Variants in TRIM35 observed in about 807,000 individuals in gnomAD.
TRIM35 encodes the protein E3 ubiquitin-protein ligase TRIM35.
Under a neutral mutation model 49.1 loss-of-function variants are expected in TRIM35, and 37 were observed. The ratio of observed to expected loss-of-function variants is 0.75; its 90% CI spans 0.58 to 0.99. The LOEUF is 0.99. Among genes scored for constraint, TRIM35 ranks in the 50% least tolerant of loss-of-function variants. The probability of loss-of-function intolerance (pLI) is 0.00; values close to 1 mark genes in which losing one functional copy is unlikely to be tolerated. For missense variants in TRIM35, 648 were observed against 702.7 expected, an observed-to-expected ratio of 0.92 and a Z score of 0.88; for synonymous variants, 302 against 289.3, an observed-to-expected ratio of 1.04 and a Z score of -0.45.
chr8:27,301,533 C>T (rs73681515), intron 1 of TRIM35, among the ~76,000 whole-genome samples: 1,893 of 152,258 alleles, frequency 0.012, 48 homozygotes, highest in African/African-American at 0.044. Context: ...AAAGTATTGT[C>T]CATTTTTCCA....
rs971017607 is a variant in TRIM35 at position 27,298,448 on chromosome 8, C to G, written c.531+16G>C. On this transcript the variant is annotated intron_variant, in intron 2 of 5. Transcript: ENST00000305364. ...AGTGGACCCAATCTTCCCACTTGGC[C>G]CCATCGTTCGCTCACCTGATTGTGC... is the stretch of plus-strand genomic sequence containing the variant. The G allele has an allele frequency of 1.2e-6, 2 of 1,612,496 alleles. No individual in the cohort carries two copies. Among genetic ancestry groups the G allele is most frequent in the Non-Finnish European group, 1.7e-6 (2 of 1,178,688 alleles).
chr8:27,306,790 G>A (rs1563445833), intron 1 of TRIM35, among the ~76,000 whole-genome samples: 1 of 152,200 alleles, frequency 6.6e-6, no homozygotes, highest in Admixed American at 6.5e-5. Flanking sequence ...AGAGAAATTT[G>A]GGCGGATTAA....
At chr8:27,303,052 T>C (rs1802710547) in intron 1 of TRIM35, among the ~76,000 whole-genome samples, 1 of 152,216 alleles carries the variant, frequency 6.6e-6, no homozygotes, top group African/African-American at 2.4e-5. Flanking sequence ...AAATGTGATA[T>C]TTGCTGTAAG....
chr8:27,287,826 C>T lies in TRIM35; in HGVS notation c.1206G>A (p.Thr402=), dbSNP rs981545515. ...CGCAGTGGTCCCCCTCCACGCCCTG[C>T]GTGCGGCAGACATACCAGAAGCCCG... ...TRSGFWYVCR[T]QGVEGDHCVT... Residue 402 remains threonine, a synonymous_variant, in exon 6 of 6, where the codon ACG becomes ACA. Coordinates refer to ENST00000305364, the MANE Select transcript of TRIM35 (RefSeq NM_171982.5). The surrounding 1 kb of genome is among the most constrained non-coding windows in gnomAD (Gnocchi z 6.0). 8.7e-6 allele frequency: 14 copies of T among 1,611,698 alleles called. No individual in the cohort carries two copies. The highest frequency in any genetic ancestry group is 1.6e-4 in the Middle Eastern group (1 of 6,082).
At chr8:27,293,669 C>T (rs1397623501) in intron 3 of TRIM35, among the ~76,000 whole-genome samples, 1 of 151,846 alleles carries the variant, frequency 6.6e-6, no homozygotes, top group Non-Finnish European at 1.5e-5. Flanking sequence ...GTGAGACCCC[C>T]CTCACCCCTA....
chr8:27,304,628 A>T, intron 1 of TRIM35: 1 of 345,804 alleles, frequency 2.9e-6, no homozygotes, highest in South Asian at 2.2e-5. Context: ...TGCAGAAGGA[A>T]TGCTTGCTCT....
chr8:27,298,146 G>A (rs1802607490), intron 2 of TRIM35, among the ~76,000 whole-genome samples: 2 of 152,204 alleles, frequency 1.3e-5, no homozygotes, highest in Admixed American at 6.5e-5. Context: ...AAACAAGAAA[G>A]TACATGAGTC....
In TRIM35 at chr8:27,289,146, C is replaced by T. The variant is rs142201422; in HGVS notation, c.904+16G>A. 2.0e-4 allele frequency: 314 copies of T among 1,607,712 alleles called. No individual in the cohort carries two copies. The African/African-American group carries it at 3.5e-3, about 18-fold the overall frequency. On this transcript the variant is annotated intron_variant, in intron 5 of 5. Transcript: ENST00000305364. ...TTCCACCCATGCTTGGGACACCTGC[C>T]GGCACCCCCGCTCACCAGATTCCAC... is the stretch of plus-strand genomic sequence containing the variant.
chr8:27,296,800 G>A (rs1435846082), intron 2 of TRIM35, among the ~76,000 whole-genome samples: 2 of 152,206 alleles, frequency 1.3e-5, no homozygotes, highest in African/African-American at 4.8e-5. Context: ...TTTGGAGTTG[G>A]AATTTCAACA....
Position 27,287,711 on chromosome 8 carries a change from A to C in TRIM35, c.1321T>G (p.Phe441Val), listed in dbSNP as rs1299069340. The C allele has an allele frequency of 6.2e-7, 1 of 1,610,614 alleles. No individual in the cohort carries two copies. Among genetic ancestry groups the C allele is most frequent in the Non-Finnish European group, 8.5e-7 (1 of 1,178,740 alleles). Reference sequence around the variant, plus strand: ...TGGCAGTGGCGCTCCGCGTCATAGAAAGACAGCTCGCCCTCCTCACACTCC... The same window carrying C: ...TGGCAGTGGCGCTCCGCGTCATAGACAGACAGCTCGCCCTCCTCACACTCC... Reference protein sequence around the residue: ...ELECEEGELSFYDAERHCHLY... With the variant: ...ELECEEGELSVYDAERHCHLY... Residue 441 changes from phenylalanine (F) to valine (V), a missense_variant, in exon 6 of 6, where the codon TTC (phenylalanine) becomes GTC (valine). Physicochemically the swap from Phe to Val is conservative, Grantham distance 50 (BLOSUM62 -1). Transcript: ENST00000305364. This position sits in a 1 kb window ranked among gnomAD's most constrained non-coding sequence, Gnocchi z 6.0.
chr8:27,311,160 C>T lies in TRIM35; in HGVS notation c.76G>A (p.Asp26Asn), dbSNP rs766120297. Residue 26 changes from aspartate to asparagine, a missense_variant, in exon 1 of 6, where the codon GAC becomes AAC. By Grantham distance (23) the Asp-to-Asn change is conservative. Coordinates refer to ENST00000305364, the MANE Select transcript of TRIM35 (RefSeq NM_171982.5). ...AGAGTGACTGCGTCGCGGAAGGGGT[C>T]GTAGCAGACGGCGCAGAGCAACTCC... is the stretch of plus-strand genomic sequence containing the variant. ...KEELLCAVCYDPFRDAVTLRC... is the reference protein window; with the variant it reads ...KEELLCAVCYNPFRDAVTLRC... The T allele has an allele frequency of 6.2e-7, 1 of 1,607,166 alleles. No individual in the cohort carries two copies. Among genetic ancestry groups the T allele is most frequent in the Admixed American group, 1.7e-5 (1 of 59,104 alleles).
intron 2 of TRIM35, among the ~76,000 whole-genome samples, chr8:27,297,570 C>T (rs1416021414): frequency 1.3e-5 from 2 of 150,626 alleles, no homozygotes; most frequent in African/African-American, 5.0e-5. Flanking sequence ...ATAGTGTGCC[C>T]TGTTTTCATT....
At chr8:27,292,293 C>T (rs1802471402) in intron 3 of TRIM35, among the ~76,000 whole-genome samples, 1 of 152,198 alleles carries the variant, frequency 6.6e-6, no homozygotes, top group Non-Finnish European at 1.5e-5. Context: ...GAGCAAAAGG[C>T]TATTCCATAT....
At chr8:27,296,389 G>T (rs1802567304) in intron 2 of TRIM35, among the ~76,000 whole-genome samples, 1 of 152,130 alleles carries the variant, frequency 6.6e-6, no homozygotes, top group Non-Finnish European at 1.5e-5. Context: ...CAAGTGCAAG[G>T]TCAACTCCTG....
At chr8:27,310,474 G>A (rs958128709) in intron 1 of TRIM35, among the ~76,000 whole-genome samples, 1 of 152,246 alleles carries the variant, frequency 6.6e-6, no homozygotes, top group Non-Finnish European at 1.5e-5. Context: ...CATCCGTGCC[G>A]CTTAAAGGGA....
chr8:27,297,163 C>G (rs1436704264), intron 2 of TRIM35, among the ~76,000 whole-genome samples: 1 of 152,176 alleles, frequency 6.6e-6, no homozygotes. Flanking sequence ...GTAAACTCCA[C>G]AGCCAAATGT....
chr8:27,305,029 TCACTTCTCTGCACCTC>T (rs1802756152), intron 1 of TRIM35, among the ~76,000 whole-genome samples: 1 of 152,220 alleles, frequency 6.6e-6, no homozygotes, highest in African/African-American at 2.4e-5. Context: ...ACATGTTCCT[TCACTTCTCTGCACCTC>T]CATTTCCTCA....
chr8:27,305,794 C>T (rs1164185674), intron 1 of TRIM35, among the ~76,000 whole-genome samples: 1 of 152,172 alleles, frequency 6.6e-6, no homozygotes, highest in Non-Finnish European at 1.5e-5. Context: ...CTGGAGAGTG[C>T]TGGACTGGGA....
At chr8:27,297,299 A>C (rs1337114476) in intron 2 of TRIM35, among the ~76,000 whole-genome samples, 1 of 152,204 alleles carries the variant, frequency 6.6e-6, no homozygotes, top group African/African-American at 2.4e-5. Context: ...AGATGAGTCT[A>C]ACAGAGTGGT....
Sources: allele counts gnomAD v4.1 joint callset (sites outside exome capture counted in the v4.1 genomes callset), GRCh38; gene constraint gnomAD v4.1.1; non-coding constraint Gnocchi (gnomAD v3.1); transcripts MANE v1.5; gene names NCBI Gene and HGNC (gene_info 2026-07-23, HGNC 2026-07-21).